The following ACTA1 variants were observed in gnomAD, a reference collection of about 807,000 sequenced individuals.
ACTA1 encodes actin, alpha skeletal muscle.
Under a neutral mutation model 35.8 loss-of-function variants are expected in ACTA1, and 25 were observed. That is an observed-to-expected ratio of 0.70 (90% CI 0.51 to 0.97). The LOEUF (loss-of-function observed/expected upper bound fraction) is 0.97. ACTA1 is among the 50% of genes least tolerant of loss of function. ACTA1 has a pLI of 0.00. For missense variants in ACTA1, 174 were observed against 533.0 expected, an observed-to-expected ratio of 0.33 and a Z score of 6.63; for synonymous variants, 219 against 217.1, an observed-to-expected ratio of 1.01 and a Z score of -0.08.
Position 229,432,141 on chromosome 1 carries a change from C to G in ACTA1, c.661G>C (p.Val221Leu), listed in dbSNP as rs1163052117. 3 of 1,613,464 alleles carry G rather than the reference C, an allele frequency of 1.9e-6. No individual in the cohort carries two copies. The highest frequency in any genetic ancestry group is 1.3e-5 in the African/African-American group (1 of 74,904). Reference sequence around the variant, plus strand: ...ATCTCGTTCTCGAAGTCCAGGGCCACGTAGCACAGCTTCTCCTTGATGTCG... The same window carrying G: ...ATCTCGTTCTCGAAGTCCAGGGCCAGGTAGCACAGCTTCTCCTTGATGTCG... ...VRDIKEKLCY[V>L]ALDFENEMAT... The change falls in exon 5 of 7, where the codon GTG becomes CTG. Residue 221 changes from valine (V) to leucine (L), a missense_variant. Transcript: ENST00000366684.
Position 229,433,008 on chromosome 1 carries a change from G to T in ACTA1, c.108C>A (p.Ile36=), listed in dbSNP as rs143948837. 2 of 1,613,612 alleles carry T rather than the reference G, an allele frequency of 1.2e-6. No homozygotes were observed. Among genetic ancestry groups the T allele is most frequent in the African/African-American group, 2.7e-5 (2 of 74,944 alleles). Residue 36 remains isoleucine (I), a synonymous_variant, in exon 2 of 7, where the codon ATC becomes ATA. Transcript: ENST00000366684. ...DDAPRAVFPS[I]VGRPRHQGVM... is the part of the protein sequence containing the mutation. ...TGACCTGGTGTCGGGGGCGGCCCACGATGGACGGGAACACGGCCCTAGGGG... is the reference window on the plus strand; with the variant it reads ...TGACCTGGTGTCGGGGGCGGCCCACTATGGACGGGAACACGGCCCTAGGGG...
chr1:229,432,771 T>C lies in ACTA1; in HGVS notation c.239A>G (p.Asn80Ser). The stretch of plus-strand genomic sequence containing the variant: ...CCAGATCTTCTCCATGTCATCCCAG[T>C]TGGTGATGATGCCGTGCTCGATAGG... ...KYPIEHGIITNWDDMEKIWHH... is the reference protein window; with the variant it reads ...KYPIEHGIITSWDDMEKIWHH... The change falls in exon 3 of 7, where the codon AAC (asparagine) becomes AGC (serine). Residue 80 changes from asparagine to serine, a missense_variant. By Grantham distance (46) the Asn-to-Ser change is conservative (BLOSUM62 1). Transcript: ENST00000366684. The C allele has an allele frequency of 6.2e-7, 1 of 1,614,106 alleles. No homozygotes were observed. The highest frequency in any genetic ancestry group is 8.5e-7 in the Non-Finnish European group (1 of 1,179,988).
chr1:229,431,951 C>T lies in ACTA1; in HGVS notation c.808+43G>A. ...GAGCAGAAGCTCGGGGCGCCGGGGG[C>T]CGGCGGGGCCTGGGGGCCGGGGCGA... On this transcript the variant is annotated intron_variant, in intron 5 of 6. Coordinates refer to ENST00000366684, the MANE Select transcript of ACTA1 (RefSeq NM_001100.4). This position sits in a 1 kb window ranked among gnomAD's most constrained non-coding sequence, Gnocchi z 7.1. 1.9e-6 allele frequency: 3 copies of T among 1,607,204 alleles called. No homozygotes were observed. Among genetic ancestry groups the T allele is most frequent in the Non-Finnish European group, 2.5e-6 (3 of 1,176,856 alleles).
chr1:229,432,295 C>T lies in ACTA1; in HGVS notation c.591G>A (p.Glu197=). The T allele has an allele frequency of 9.3e-6, 15 of 1,613,808 alleles. No homozygotes were observed. Among genetic ancestry groups the T allele is most frequent in the Non-Finnish European group, 1.3e-5 (15 of 1,179,830 alleles). Residue 197 remains glutamate, a synonymous_variant, in exon 4 of 7, where the codon GAG becomes GAA. Transcript: ENST00000366684. ...LTDYLMKILT[E]RGYSFVTTAE... is the part of the protein sequence containing the mutation. ...CTGTGGTCACGAAGGAGTAGCCACG[C>T]TCAGTGAGGATCTTCATCAGGTAGT...
In ACTA1 at chr1:229,432,400, G is replaced by A; in HGVS notation, c.486C>T (p.Thr162=). The change falls in exon 4 of 7, where the codon ACC becomes ACT. Residue 162 remains threonine, a synonymous_variant. Transcript: ENST00000366684. ...GIVLDSGDGV[T]HNVPIYEGYA... is the part of the protein sequence containing the mutation. Reference sequence around the variant, plus strand: ...AGCCCTCATAAATGGGCACGTTGTGGGTGACGCCGTCGCCGGAGTCCAGCA... The same window carrying A: ...AGCCCTCATAAATGGGCACGTTGTGAGTGACGCCGTCGCCGGAGTCCAGCA... 6.2e-7 allele frequency: 1 copy of A among 1,612,850 alleles called. No individual in the cohort carries two copies. The highest frequency in any genetic ancestry group is 8.5e-7 in the Non-Finnish European group (1 of 1,179,662).
rs1571892552 is a variant in ACTA1 at position 229,431,760 on chromosome 1, T to C, written c.951A>G (p.Lys317=). ...TGCTGGGTGCCAGCGCGGTGATCTC[T>C]TTCTGCATGCGGTCAGCGATCCCAG... ...MYPGIADRMQ[K]EITALAPSTM... The change falls in exon 6 of 7, where the codon AAA becomes AAG. Residue 317 remains lysine (K), a synonymous_variant. Transcript: ENST00000366684. The surrounding 1 kb of genome is among the most constrained non-coding windows in gnomAD (Gnocchi z 7.1). The C allele has an allele frequency of 1.2e-6, 2 of 1,614,190 alleles. No individual in the cohort carries two copies. Among genetic ancestry groups the C allele is most frequent in the Non-Finnish European group, 1.7e-6 (2 of 1,180,012 alleles).
rs1659944016 is a variant in ACTA1 at position 229,431,866 on chromosome 1, T to C, written c.845A>G (p.Asn282Ser). ...GTCGATGTCACACTTCATGATGCTG[T>C]TGTAGGTGGTCTCGTGAATGCCCGC... ...ESAGIHETTY[N>S]SIMKCDIDIR... The change falls in exon 6 of 7, where the codon AAC becomes AGC. Residue 282 changes from asparagine to serine, a missense_variant. Coordinates refer to ENST00000366684, the MANE Select transcript of ACTA1 (RefSeq NM_001100.4). The surrounding 1 kb of genome is among the most constrained non-coding windows in gnomAD (Gnocchi z 7.1). 1.2e-6 allele frequency: 2 copies of C among 1,613,874 alleles called. No individual in the cohort carries two copies. Among genetic ancestry groups the C allele is most frequent in the Non-Finnish European group, 1.7e-6 (2 of 1,179,964 alleles).
chr1:229,433,252 C>T, intron 1 of ACTA1, 125 bp from the exon 2 acceptor site: 4 of 1,374,142 alleles, frequency 2.9e-6, no homozygotes, highest in Non-Finnish European at 3.1e-6. Flanking sequence ...CATCTCCTGC[C>T]GGAGCCACTC....
Position 229,431,948 on chromosome 1 carries a change from G to C in ACTA1, c.808+46C>G. 6.2e-7 allele frequency: 1 copy of C among 1,607,386 alleles called. No individual in the cohort carries two copies. The highest frequency in any genetic ancestry group is 8.5e-7 in the Non-Finnish European group (1 of 1,176,954). ...CGTGAGCAGAAGCTCGGGGCGCCGGGGGCCGGCGGGGCCTGGGGGCCGGGG... is the reference window on the plus strand; with the variant it reads ...CGTGAGCAGAAGCTCGGGGCGCCGGCGGCCGGCGGGGCCTGGGGGCCGGGG... On this transcript the variant is annotated intron_variant, in intron 5 of 6. Coordinates refer to ENST00000366684, the MANE Select transcript of ACTA1 (RefSeq NM_001100.4). This position sits in a 1 kb window ranked among gnomAD's most constrained non-coding sequence, Gnocchi z 7.1.
chr1:229,433,666 T>C (rs1355704089), intron 1 of ACTA1, among the ~76,000 whole-genome samples: 1 of 152,204 alleles, frequency 6.6e-6, no homozygotes, highest in Non-Finnish European at 1.5e-5. Context: ...AAACCCAGAA[T>C]GGGTGGTCCT....
rs1571892563 is a variant in ACTA1, at chr1:229,431,778, G to A, written c.933C>T (p.Ile311=). Residue 311 remains isoleucine (I), a synonymous_variant, in exon 6 of 7, where the codon ATC becomes ATT. Coordinates refer to ENST00000366684, the MANE Select transcript of ACTA1 (RefSeq NM_001100.4). This position sits in a 1 kb window ranked among gnomAD's most constrained non-coding sequence, Gnocchi z 7.1. The part of the protein sequence containing the change: ...MSGGTTMYPG[I]ADRMQKEITA... ...TGATCTCTTTCTGCATGCGGTCAGC[G>A]ATCCCAGGGTACATCGTGGTGCCCC... The A allele has an allele frequency of 6.2e-7, 1 of 1,614,206 alleles. No homozygotes were observed. Among genetic ancestry groups the A allele is most frequent in the Non-Finnish European group, 8.5e-7 (1 of 1,180,030 alleles).
rs1571892103 is a variant in ACTA1, at chr1:229,431,421, G to C, written c.*78C>G. On this transcript the variant is annotated 3_prime_UTR_variant, in exon 7 of 7. Transcript: ENST00000366684. This position sits in a 1 kb window ranked among gnomAD's most constrained non-coding sequence, Gnocchi z 7.1. ...AGTTGTTACAAAGAAAGTGACTGCG[G>C]GGTGGCTGGAGCTCAGCCGCCCCCC... is the stretch of plus-strand genomic sequence containing the variant. The C allele has an allele frequency of 6.3e-7, 1 of 1,589,510 alleles. No individual in the cohort carries two copies.
intron 1 of ACTA1, among the ~76,000 whole-genome samples, chr1:229,433,396 A>G (rs1045809205): frequency 6.6e-6 from 1 of 152,180 alleles, no homozygotes; most frequent in Non-Finnish European, 1.5e-5. Flanking sequence ...AGCCAGGGGA[A>G]CATGTTCCCC....
At position 229,431,966 on chromosome 1, in the gene ACTA1, G is replaced by A; in HGVS notation, c.808+28C>T. On this transcript the variant is annotated intron_variant, in intron 5 of 6. Transcript: ENST00000366684. This position sits in a 1 kb window ranked among gnomAD's most constrained non-coding sequence, Gnocchi z 7.1. ...GCGCCGGGGGCCGGCGGGGCCTGGG[G>A]GCCGGGGCGAGGGCGAGCGGGGCTC... is the stretch of plus-strand genomic sequence containing the variant. 1 of 1,604,498 alleles carries A rather than the reference G, an allele frequency of 6.2e-7. No homozygotes were observed. The highest frequency in any genetic ancestry group is 8.5e-7 in the Non-Finnish European group (1 of 1,175,670).
chr1:229,431,453 G>C lies in ACTA1; in HGVS notation c.*46C>G, dbSNP rs1475186476. The C allele has an allele frequency of 1.9e-6, 3 of 1,612,118 alleles. No individual in the cohort carries two copies. In the African/African-American group the frequency reaches 4.0e-5, roughly 22 times the overall value. ...TGGAGCTCAGCCGCCCCCCCATTGAGAAGATTCGTCGTCCTGAGAAGTCGC... is the reference window on the plus strand; with the variant it reads ...TGGAGCTCAGCCGCCCCCCCATTGACAAGATTCGTCGTCCTGAGAAGTCGC... On this transcript the variant is annotated 3_prime_UTR_variant, in exon 7 of 7. Coordinates refer to ENST00000366684, the MANE Select transcript of ACTA1 (RefSeq NM_001100.4). The surrounding 1 kb of genome is among the most constrained non-coding windows in gnomAD (Gnocchi z 7.1).
chr1:229,433,886 G>A (rs1306536370), intron 1 of ACTA1, 118 bp downstream of exon 1: 10 of 153,116 alleles, frequency 6.5e-5, no homozygotes, highest in African/African-American at 2.4e-4. Context: ...ACGAGGCACA[G>A]CGCTCAGGGC....
chr1:229,433,274 G>T, intron 1 of ACTA1, 147 bp from the exon 2 acceptor site: 1 of 1,204,634 alleles, frequency 8.3e-7, no homozygotes, highest in Non-Finnish European at 1.2e-6. Context: ...AATTCTGCCA[G>T]GGCGGCGACC....
chr1:229,431,938 G>A lies in ACTA1; in HGVS notation c.809-36C>T. 6.4e-7 allele frequency: 1 copy of A among 1,553,306 alleles called. No homozygotes were observed. Among genetic ancestry groups the A allele is most frequent in the Non-Finnish European group, 8.6e-7 (1 of 1,156,196 alleles). On this transcript the variant is annotated intron_variant, in intron 5 of 6. Transcript: ENST00000366684. This position sits in a 1 kb window ranked among gnomAD's most constrained non-coding sequence, Gnocchi z 7.1. The stretch of plus-strand genomic sequence containing the variant: ...CGGCGGGGAGCGTGAGCAGAAGCTC[G>A]GGGCGCCGGGGGCCGGCGGGGCCTG...
At chr1:229,433,172 A>G in intron 1 of ACTA1, 45 bp from the exon 2 acceptor site, 1 of 1,607,984 alleles carries the variant, frequency 6.2e-7, no homozygotes, top group Non-Finnish European at 8.5e-7. Flanking sequence ...GCATCAGCGC[A>G]GAAGTCTCAG....
Sources: allele counts gnomAD v4.1 joint callset (sites outside exome capture counted in the v4.1 genomes callset), GRCh38; gene constraint gnomAD v4.1.1; non-coding constraint Gnocchi (gnomAD v3.1); transcripts MANE v1.5; gene names NCBI Gene and HGNC (gene_info 2026-07-23, HGNC 2026-07-21).